Variants in DPYSL3 observed in about 807,000 individuals in gnomAD.
DPYSL3 encodes dihydropyrimidinase like 3.
DPYSL3 carries 16 observed loss-of-function variants against 66.1 expected under a neutral mutation model. The ratio of observed to expected loss-of-function variants is 0.24; its 90% CI spans 0.16 to 0.37. The LOEUF (loss-of-function observed/expected upper bound fraction) is 0.37. Among genes scored for constraint, DPYSL3 ranks in the 10% least tolerant of loss-of-function variants. The pLI is 1.00. For synonymous variants in DPYSL3, 338 were observed against 345.1 expected, an observed-to-expected ratio of 0.98 and a Z score of 0.23; for missense variants, 738 against 916.2, an observed-to-expected ratio of 0.81 and a Z score of 2.51.
At chr5:147,435,984 G>A (rs1388256897) in intron 1 of DPYSL3, among the ~76,000 whole-genome samples, 1 of 152,152 alleles carries the variant, frequency 6.6e-6, no homozygotes, top group Non-Finnish European at 1.5e-5. Flanking sequence ...AGGGCTGCCT[G>A]GCAGGAGCCG....
chr5:147,409,507 G>A (rs550027206), intron 6 of DPYSL3, among the ~76,000 whole-genome samples: 1 of 152,314 alleles, frequency 6.6e-6, no homozygotes, highest in African/African-American at 2.4e-5. Flanking sequence ...ACCTAAGTTA[G>A]TGTCTTGGTG....
chr5:147,424,279 C>G (rs1752146651), intron 2 of DPYSL3, among the ~76,000 whole-genome samples: 1 of 152,118 alleles, frequency 6.6e-6, no homozygotes, highest in Non-Finnish European at 1.5e-5. Flanking sequence ...GGGTAGTGTA[C>G]TTTGTTTTTT....
intron 11 of DPYSL3, among the ~76,000 whole-genome samples, chr5:147,398,364 T>C (rs182361245): frequency 7.5e-4 from 115 of 152,336 alleles, no homozygotes; most frequent in Non-Finnish European, 2.5e-4. Context: ...TGTCTGGGTT[T>C]CAATGCTAGC....
chr5:147,493,833 A>G (rs1300701287), intron 1 of DPYSL3, among the ~76,000 whole-genome samples: 1 of 152,200 alleles, frequency 6.6e-6, no homozygotes, highest in African/African-American at 2.4e-5. Flanking sequence ...CTTGGACCAC[A>G]ATGGAATTAA....
At chr5:147,428,743 T>TGTTCTCACTTATAAGTGGGGGCTGA (rs377102487) in intron 1 of DPYSL3, among the ~76,000 whole-genome samples, 1 of 151,336 alleles carries the variant, frequency 6.6e-6, no homozygotes, top group African/African-American at 2.4e-5. Flanking sequence ...AAACACTACA[T>TGTTCTCACTTATAAGTGGGGGCTGA]ACAATGAGAA....
At chr5:147,406,989 T>C (rs1397375241) in intron 7 of DPYSL3, among the ~76,000 whole-genome samples, 1 of 152,196 alleles carries the variant, frequency 6.6e-6, no homozygotes, top group Non-Finnish European at 1.5e-5. Flanking sequence ...TATGTGAATA[T>C]GGACACCTTC....
chr5:147,430,999 C>T (rs1174217251), intron 1 of DPYSL3, among the ~76,000 whole-genome samples: 2 of 152,206 alleles, frequency 1.3e-5, no homozygotes, highest in Non-Finnish European at 2.9e-5. Flanking sequence ...TAACAAAGCA[C>T]AGACTGTGAC....
At chr5:147,483,804 T>A (rs1753287258) in intron 1 of DPYSL3, among the ~76,000 whole-genome samples, 1 of 152,006 alleles carries the variant, frequency 6.6e-6, no homozygotes, top group South Asian at 2.1e-4. Context: ...CAAGAAGGAG[T>A]TAGAATAGCT....
intron 8 of DPYSL3, 120 bp from the exon 9 acceptor site, chr5:147,401,816 G>T (rs1034899503): frequency 3.3e-6 from 4 of 1,223,028 alleles, no homozygotes; most frequent in Non-Finnish European, 4.5e-6. Flanking sequence ...GACTGACCTG[G>T]GTTCAAGTCC....
intron 1 of DPYSL3, among the ~76,000 whole-genome samples, chr5:147,446,992 C>A (rs1752641507): frequency 6.6e-6 from 1 of 152,196 alleles, no homozygotes; most frequent in Admixed American, 6.5e-5. Context: ...ACGAATTCAC[C>A]TTTGCAGGGA....
intron 1 of DPYSL3, among the ~76,000 whole-genome samples, chr5:147,473,698 C>A (rs1225503878): frequency 2.0e-5 from 3 of 152,110 alleles, no homozygotes; most frequent in Non-Finnish European, 2.9e-5. Context: ...TCTTGCTGAG[C>A]TCTTCTGGCA....
At chr5:147,438,480 C>A (rs1304482390) in intron 1 of DPYSL3, among the ~76,000 whole-genome samples, 1 of 152,196 alleles carries the variant, frequency 6.6e-6, no homozygotes, top group African/African-American at 2.4e-5. Flanking sequence ...AGGCTTTACT[C>A]ATACTAGGCA....
chr5:147,452,722 C>T (rs1309538511), intron 1 of DPYSL3, among the ~76,000 whole-genome samples: 2 of 152,090 alleles, frequency 1.3e-5, no homozygotes, highest in Non-Finnish European at 2.9e-5. Context: ...GCGCATCTGA[C>T]ACCCGCCAGT....
chr5:147,488,317 C>T (rs545608105), intron 1 of DPYSL3, among the ~76,000 whole-genome samples: 1 of 152,304 alleles, frequency 6.6e-6, no homozygotes, highest in South Asian at 2.1e-4. Context: ...GTGTTGACAG[C>T]ATGCATTGCT....
chr5:147,454,215 C>T (rs1354376034), intron 1 of DPYSL3: 1 of 152,318 alleles, frequency 6.6e-6, no homozygotes, highest in Non-Finnish European at 1.5e-5. Flanking sequence ...CCCGGCTTCC[C>T]TCCCGGCACC....
chr5:147,418,697 C>A, intron 2 of DPYSL3, 66 bp from the exon 3 acceptor site: 1 of 1,400,170 alleles, frequency 7.1e-7, no homozygotes, highest in East Asian at 2.3e-5. Context: ...ATTTCCAAGA[C>A]AAATATAGTG....
intron 11 of DPYSL3, among the ~76,000 whole-genome samples, chr5:147,398,577 C>G (rs1229275386): frequency 6.6e-6 from 1 of 152,190 alleles, no homozygotes; most frequent in Non-Finnish European, 1.5e-5. Flanking sequence ...TTAGGTACTG[C>G]ACTTTAATTA....
intron 1 of DPYSL3, chr5:147,453,853 T>C: frequency 1.1e-6 from 1 of 886,422 alleles, no homozygotes; most frequent in African/African-American, 1.8e-5. Flanking sequence ...TTTTGTTTTT[T>C]TTTTTCTTTT....
chr5:147,446,616 T>A (rs1017324728), intron 1 of DPYSL3, among the ~76,000 whole-genome samples: 3 of 152,182 alleles, frequency 2.0e-5, no homozygotes, highest in Non-Finnish European at 4.4e-5. Flanking sequence ...AGCCTGGCTA[T>A]GTCTGGGAAG....
Sources: gnomAD v4.1 joint callset for allele counts (sites outside exome capture counted in the v4.1 genomes callset) on GRCh38, gnomAD v4.1.1 for gene constraint, MANE v1.5 for transcripts, NCBI Gene and HGNC (gene_info 2026-07-23, HGNC 2026-07-21) for gene names.